The following CRIM1 variants were observed in gnomAD, a reference collection of about 807,000 sequenced individuals.
The protein encoded by CRIM1 is cysteine-rich motor neuron 1 protein.
A neutral mutation model predicts 116.4 loss-of-function variants in CRIM1; 32 were observed. The observed-to-expected ratio is 0.27, with a 90% CI of 0.21 to 0.37. The LOEUF is 0.37. Among genes scored for constraint, CRIM1 ranks in the 10% least tolerant of loss-of-function variants. The pLI is 1.00. For missense variants in CRIM1, 1,331 were observed against 1,354.8 expected (o/e 0.98, Z 0.28); for synonymous variants, 590 against 509.2 (o/e 1.16, Z -2.13).
intron 6 of CRIM1, among the ~76,000 whole-genome samples, chr2:36,479,002 G>A (rs1187018295): frequency 6.6e-6 from 1 of 152,174 alleles, no homozygotes; most frequent in Non-Finnish European, 1.5e-5. Context: ...CAAGTCCACA[G>A]CAAGACCACT....
chr2:36,472,473 C>T (rs1169719466), intron 5 of CRIM1, among the ~76,000 whole-genome samples: 2 of 152,188 alleles, frequency 1.3e-5, no homozygotes, highest in Non-Finnish European at 2.9e-5. Context: ...CTCACTTCCA[C>T]TCCCTTGATC....
intron 13 of CRIM1, among the ~76,000 whole-genome samples, chr2:36,535,206 A>T (rs1161094253): frequency 7.1e-6 from 1 of 141,002 alleles, no homozygotes; most frequent in East Asian, 2.3e-4. Context: ...GGAGGGAAGG[A>T]AGGATGGAGG....
At chr2:36,404,360 C>G in intron 2 of CRIM1, among the ~76,000 whole-genome samples, 1 of 152,130 alleles carries the variant, frequency 6.6e-6, no homozygotes, top group East Asian at 1.9e-4. Flanking sequence ...GGAATTAGGG[C>G]TAGTTCAGAG....
chr2:36,510,644 A>G (rs1158649156), intron 9 of CRIM1, among the ~76,000 whole-genome samples: 4 of 152,086 alleles, frequency 2.6e-5, no homozygotes, highest in Non-Finnish European at 5.9e-5. Context: ...ATCTAGCGTT[A>G]GATTTTTATG....
intron 1 of CRIM1, among the ~76,000 whole-genome samples, chr2:36,370,840 A>AG (rs1669897924): frequency 6.6e-6 from 1 of 152,162 alleles, no homozygotes; most frequent in Non-Finnish European, 1.5e-5. Flanking sequence ...TCTACTTCTA[A>AG]TCTTAGTATA....
At chr2:36,516,922 GT>G (rs974897185) in intron 11 of CRIM1, among the ~76,000 whole-genome samples, 2 of 152,178 alleles carry the variant, frequency 1.3e-5, no homozygotes, top group African/African-American at 4.8e-5. Context: ...AATAACACAT[GT>G]GAAGTGCTTA....
chr2:36,389,847 A>G (rs1361609146), intron 1 of CRIM1, among the ~76,000 whole-genome samples: 1 of 152,196 alleles, frequency 6.6e-6, no homozygotes, highest in Non-Finnish European at 1.5e-5. Flanking sequence ...GGTTGAATCC[A>G]GGACCACTCA....
At chr2:36,458,318 G>A (rs1177156106) in intron 4 of CRIM1, among the ~76,000 whole-genome samples, 1 of 152,168 alleles carries the variant, frequency 6.6e-6, no homozygotes, top group African/African-American at 2.4e-5. Context: ...AGGTTGAGGG[G>A]CATTCCTGTT....
intron 1 of CRIM1, among the ~76,000 whole-genome samples, chr2:36,361,053 A>G (rs1017171878): frequency 6.6e-6 from 1 of 152,194 alleles, no homozygotes; most frequent in African/African-American, 2.4e-5. Context: ...AATATTGGCA[A>G]AACATGGAGA....
At chr2:36,491,020 A>G (rs906832185) in intron 7 of CRIM1, among the ~76,000 whole-genome samples, 2 of 152,222 alleles carry the variant, frequency 1.3e-5, no homozygotes, top group Non-Finnish European at 1.5e-5. Flanking sequence ...AAAAGTGCCC[A>G]TAACTTCACG....
chr2:36,509,896 T>A (rs1681695706), intron 8 of CRIM1, 87 bp from the exon 9 acceptor site: 1 of 1,166,426 alleles, frequency 8.6e-7, no homozygotes, highest in East Asian at 2.4e-5. Flanking sequence ...TGTGGAAGAG[T>A]GGAGGATTCA....
At chr2:36,548,498 G>T (rs1474403514) in intron 16 of CRIM1, 27 bp from the exon 17 acceptor site, 2 of 1,512,138 alleles carry the variant, frequency 1.3e-6, no homozygotes, top group South Asian at 1.3e-5. Flanking sequence ...AATTTTTTGT[G>T]GTTTTATTCC....
chr2:36,363,029 C>T (rs1174560336), intron 1 of CRIM1, among the ~76,000 whole-genome samples: 1 of 151,878 alleles, frequency 6.6e-6, no homozygotes, highest in Admixed American at 6.6e-5. Flanking sequence ...GAAACCTTGT[C>T]TCTACTAAGA....
chr2:36,492,923 A>G (rs1355691104), intron 7 of CRIM1, among the ~76,000 whole-genome samples: 1 of 152,192 alleles, frequency 6.6e-6, no homozygotes, highest in African/African-American at 2.4e-5. Context: ...AAGAAAGCAT[A>G]ATTGTTCATT....
intron 1 of CRIM1, among the ~76,000 whole-genome samples, chr2:36,359,878 T>A (rs1669105752): frequency 6.6e-6 from 1 of 152,158 alleles, no homozygotes; most frequent in Non-Finnish European, 1.5e-5. Context: ...CTCTTTCCAT[T>A]CGTCTGCTAA....
intron 4 of CRIM1, among the ~76,000 whole-genome samples, chr2:36,458,618 G>C (rs1278781726): frequency 6.6e-6 from 1 of 152,102 alleles, no homozygotes; most frequent in African/African-American, 2.4e-5. Flanking sequence ...CCAGTGCAAA[G>C]GCCCTATCTT....
intron 15 of CRIM1, among the ~76,000 whole-genome samples, chr2:36,546,089 TCATGAGCTGAATTTCCAGAA>T (rs2125193416): frequency 6.6e-6 from 1 of 152,306 alleles, no homozygotes; most frequent in East Asian, 1.9e-4. Context: ...CTCTGTCACT[TCATGAGCTGAATTTCCAGAA>T]CAATTTAGGA....
intron 5 of CRIM1, among the ~76,000 whole-genome samples, chr2:36,471,881 C>T (rs1415237648): frequency 1.3e-5 from 2 of 152,176 alleles, no homozygotes; most frequent in African/African-American, 4.8e-5. Context: ...TTTAAATGCA[C>T]TGGGAAGCCA....
chr2:36,540,500 T>C (rs1196269483), intron 14 of CRIM1, among the ~76,000 whole-genome samples: 1 of 152,102 alleles, frequency 6.6e-6, no homozygotes, highest in Admixed American at 6.5e-5. Flanking sequence ...AGACCTGAGA[T>C]GGGAAAAGTC....
Sources: allele counts gnomAD v4.1 joint callset (sites outside exome capture counted in the v4.1 genomes callset), GRCh38; gene constraint gnomAD v4.1.1; transcripts MANE v1.5; gene names NCBI Gene and HGNC (gene_info 2026-07-23, HGNC 2026-07-21).